The following STX3 variants were observed in gnomAD, a reference collection of about 807,000 sequenced individuals.
STX3 encodes the protein syntaxin 3.
A neutral mutation model predicts 40.2 loss-of-function variants in STX3; 19 were observed. The observed-to-expected ratio is 0.47, with a 90% CI of 0.33 to 0.69. The LOEUF (loss-of-function observed/expected upper bound fraction) is 0.69, where lower values mean the gene tolerates loss of function less well. STX3 is among the 30% of genes least tolerant of loss of function. STX3 has a pLI of 0.02. For missense variants in STX3, 364 were observed against 366.7 expected, an observed-to-expected ratio of 0.99 and a Z score of 0.06; for synonymous variants, 122 against 132.2, an observed-to-expected ratio of 0.92 and a Z score of 0.53.
In STX3 at chr11:59,755,460, C is replaced by A; in HGVS notation, c.-146C>A. 3.1e-6 allele frequency: 3 copies of A among 975,222 alleles called. No individual in the cohort carries two copies. The highest frequency in any genetic ancestry group is 1.7e-5 in the African/African-American group (1 of 57,842). 60.4% of individuals were successfully genotyped at this position (975,222 alleles called of 1,614,324 possible). A position where few individuals can be genotyped will look rare whatever the true frequency, so the allele number is the denominator to read the frequency against. On this transcript the variant is annotated 5_prime_UTR_variant, in exon 1 of 11. Transcript: ENST00000337979. ...GGCCTCGGACGCTCCTCCTAGCTAGCGGCCGCCGCCCGCCGCCGCCTGCGC... is the reference window on the plus strand; with the variant it reads ...GGCCTCGGACGCTCCTCCTAGCTAGAGGCCGCCGCCCGCCGCCGCCTGCGC...
At chr11:59,766,627 TG>T (rs1863297884) in intron 1 of STX3, among the ~76,000 whole-genome samples, 1 of 152,332 alleles carries the variant, frequency 6.6e-6, no homozygotes, top group African/African-American at 2.4e-5. Flanking sequence ...AAAGGCTTAA[TG>T]GAAACAAATG....
intron 1 of STX3, 22 bp downstream of exon 1, chr11:59,755,657 G>T (rs201559984): frequency 1.3e-6 from 2 of 1,591,148 alleles, no homozygotes; most frequent in Non-Finnish European, 1.7e-6. Context: ...CGCAGGCGGG[G>T]TGCTGCCAGG....
intron 2 of STX3, among the ~76,000 whole-genome samples, chr11:59,783,739 C>T (rs927379495): frequency 2.0e-5 from 3 of 152,160 alleles, no homozygotes; most frequent in Non-Finnish European, 4.4e-5. Context: ...CAGAAAGTCA[C>T]CTTTGAGGAA....
chr11:59,765,395 A>G (rs1009446561), intron 1 of STX3, among the ~76,000 whole-genome samples: 9 of 152,206 alleles, frequency 5.9e-5, no homozygotes, highest in Non-Finnish European at 1.3e-4. Flanking sequence ...GGGTGTGTGT[A>G]TGTGTCTGTG....
intron 3 of STX3, among the ~76,000 whole-genome samples, chr11:59,787,850 C>T (rs1864875491): frequency 6.6e-6 from 1 of 152,184 alleles, no homozygotes; most frequent in African/African-American, 2.4e-5. Flanking sequence ...ATTTTTGGTT[C>T]CTTAAGAACA....
In STX3 at chr11:59,790,566, C is replaced by G. The variant is rs566741901; in HGVS notation, c.337C>G (p.Leu113Val). 16 of 1,613,836 alleles carry G rather than the reference C, an allele frequency of 9.9e-6. No homozygotes were observed. The highest frequency in any genetic ancestry group is 1.4e-5 in the Non-Finnish European group (16 of 1,179,872). Reference sequence around the variant, plus strand: ...AGATGAGGTCAGGTCATCGGCAGACCTTCGGATTCGGAAATCCCAGGTAAG... The same window carrying G: ...AGATGAGGTCAGGTCATCGGCAGACGTTCGGATTCGGAAATCCCAGGTAAG... ...EEDEVRSSAD[L>V]RIRKSQHSVL... is the part of the protein sequence containing the mutation. Residue 113 changes from leucine to valine, a missense_variant, in exon 5 of 11, where the codon CTT (leucine) becomes GTT (valine). Transcript: ENST00000337979.
chr11:59,772,452 C>T (rs1211336833), intron 1 of STX3, among the ~76,000 whole-genome samples: 2 of 152,192 alleles, frequency 1.3e-5, no homozygotes, highest in African/African-American at 2.4e-5. Flanking sequence ...GGAGAGCTTC[C>T]TCTTTCTTAT....
Position 59,755,500 on chromosome 11 carries a change from C to T in STX3, c.-106C>T. ...GCCGCCTGCGCCTCCAGCTCCTTCG[C>T]CCCGGCGGGCCCGGCCGCCGCTTCC... On this transcript the variant is annotated 5_prime_UTR_variant, in exon 1 of 11. Transcript: ENST00000337979. 7.2e-7 allele frequency: 1 copy of T among 1,382,650 alleles called. No individual in the cohort carries two copies. Among genetic ancestry groups the T allele is most frequent in the Non-Finnish European group, 9.4e-7 (1 of 1,063,200 alleles). The allele number at this position is 1,382,650 out of a possible 1,614,324, so 85.6% of individuals were successfully genotyped here. A position where few individuals can be genotyped will look rare whatever the true frequency, so the allele number is the denominator to read the frequency against.
At chr11:59,772,850 A>G (rs1411189349) in intron 1 of STX3, among the ~76,000 whole-genome samples, 1 of 152,082 alleles carries the variant, frequency 6.6e-6, no homozygotes, top group African/African-American at 2.4e-5. Flanking sequence ...TCTCTTTTAT[A>G]CCTTACACAA....
intron 2 of STX3, among the ~76,000 whole-genome samples, chr11:59,775,365 TAAG>T (rs144283202): frequency 0.031 from 4,716 of 152,278 alleles, 120 homozygotes; most frequent in Non-Finnish European, 0.042. Context: ...GGGGTGGACT[TAAG>T]GAGATGTTTG....
intron 2 of STX3, among the ~76,000 whole-genome samples, chr11:59,781,100 T>TTTTTTTTTATATA (rs963410109): frequency 0.023 from 3,420 of 145,546 alleles, 97 homozygotes; most frequent in African/African-American, 0.081. Context: ...TTTTTTTTTT[T>TTTTTTTTTATATA]TATATTAGCA....
chr11:59,797,206 G>A, intron 9 of STX3, 77 bp from the exon 10 acceptor site: 2 of 1,061,992 alleles, frequency 1.9e-6, no homozygotes, highest in South Asian at 2.6e-5. Flanking sequence ...AGGTGACAGG[G>A]GTTAGGTTTT....
intron 1 of STX3, among the ~76,000 whole-genome samples, chr11:59,766,055 C>T (rs1863267074): frequency 6.6e-6 from 1 of 152,184 alleles, no homozygotes; most frequent in South Asian, 2.1e-4. Context: ...TATACCCTTT[C>T]CCCTCTGTTA....
intron 3 of STX3, 133 bp from the exon 4 acceptor site, chr11:59,788,740 T>C (rs1342614447): frequency 1.5e-5 from 9 of 609,868 alleles, no homozygotes; most frequent in South Asian, 1.3e-4. Flanking sequence ...TGCTGGGGAG[T>C]GCGTAGGGAT....
In STX3 at chr11:59,762,391, C is replaced by G. The variant is rs368451136; in HGVS notation, c.30+6756C>G. Among the ~76,000 whole-genome samples, 34 of 152,324 alleles carry G rather than the reference C, an allele frequency of 2.2e-4. 2 individuals carry two copies. The South Asian group carries it at 6.6e-3, about 30-fold the overall frequency. ...TGGTGTCTTTATGCATTAGTTTTCT[C>G]AGCTGTAAGATGGGGAATATCCCCA... On this transcript the variant is annotated intron_variant, in intron 1 of 10. Transcript: ENST00000337979.
chr11:59,763,225 G>A (rs1374143114), intron 1 of STX3, among the ~76,000 whole-genome samples: 1 of 152,194 alleles, frequency 6.6e-6, no homozygotes, highest in Non-Finnish European at 1.5e-5. Flanking sequence ...TAATGAAGGA[G>A]TGAACATTGG....
chr11:59,796,513 C>T (rs569432670), intron 9 of STX3, among the ~76,000 whole-genome samples: 1 of 152,212 alleles, frequency 6.6e-6, no homozygotes, highest in South Asian at 2.1e-4. Context: ...AGTTATTTTA[C>T]ATGGTGAATC....
At chr11:59,796,555 A>C (rs1229689933) in intron 9 of STX3, among the ~76,000 whole-genome samples, 1 of 152,230 alleles carries the variant, frequency 6.6e-6, no homozygotes, top group East Asian at 1.9e-4. Flanking sequence ...ATATCCAGGC[A>C]GTGTACTGGG....
At chr11:59,791,463 G>A (rs567014527) in intron 5 of STX3, among the ~76,000 whole-genome samples, 2 of 152,302 alleles carry the variant, frequency 1.3e-5, no homozygotes, top group Non-Finnish European at 2.9e-5. Context: ...CCGTTTACAA[G>A]TGGGAAAGAA....
Sources: allele counts gnomAD v4.1 joint callset (sites outside exome capture counted in the v4.1 genomes callset), GRCh38; gene constraint gnomAD v4.1.1; transcripts MANE v1.5; gene names NCBI Gene and HGNC (gene_info 2026-07-23, HGNC 2026-07-21).